Variants in GPC3 observed in about 807,000 individuals in gnomAD.
GPC3 encodes the protein glypican 3, also known as glypican-3.
Under a neutral mutation model 34.4 loss-of-function variants are expected in GPC3, and 3 were observed. The ratio of observed to expected loss-of-function variants is 0.09; its 90% confidence interval spans 0.04 to 0.23. The LOEUF (loss-of-function observed/expected upper bound fraction) is 0.23, where lower values mean the gene tolerates loss of function less well. Among genes scored for constraint, GPC3 ranks in the 10% least tolerant of loss-of-function variants. The pLI is 1.00. For synonymous variants in GPC3, 177 were observed against 174.0 expected (o/e 1.02, Z -0.13); for missense variants, 351 against 445.6 (o/e 0.79, Z 1.91).
chrX:133,843,659 C>A (rs965849938), intron 2 of GPC3, among the ~76,000 whole-genome samples: 2 of 111,229 alleles, frequency 1.8e-5, no homozygotes, highest in African/African-American at 6.5e-5. Flanking sequence ...AATTCATAAC[C>A]CACAGAGACC....
intron 5 of GPC3, among the ~76,000 whole-genome samples, chrX:133,679,320 C>T (rs1343397763): frequency 9.0e-6 from 1 of 111,653 alleles, no homozygotes; most frequent in Admixed American, 9.6e-5. Context: ...CTCTTCTACA[C>T]TAACATCTAG....
At chrX:133,928,659 C>T (rs959934070) in intron 2 of GPC3, among the ~76,000 whole-genome samples, 1 of 111,697 alleles carries the variant, frequency 9.0e-6, no homozygotes, top group Non-Finnish European at 1.9e-5. Flanking sequence ...CTCATGGTGG[C>T]TTTCATTTGC....
intron 4 of GPC3, among the ~76,000 whole-genome samples, chrX:133,697,770 T>C (rs1053205774): frequency 1.8e-5 from 2 of 112,189 alleles, no homozygotes; most frequent in Admixed American, 9.5e-5. Context: ...CAGAACTCGT[T>C]GATTCACTCA....
chrX:133,859,684 G>C (rs2075926253), intron 2 of GPC3, among the ~76,000 whole-genome samples: 1 of 112,437 alleles, frequency 8.9e-6, no homozygotes, highest in East Asian at 2.8e-4. Flanking sequence ...TCTATGTCAG[G>C]ATTTTGAGTT....
intron 2 of GPC3, among the ~76,000 whole-genome samples, chrX:133,768,518 T>C (rs1226536875): frequency 3.6e-5 from 4 of 111,393 alleles, no homozygotes; most frequent in African/African-American, 1.3e-4. Flanking sequence ...CCAGTACTAC[T>C]GACATCTAAA....
chrX:133,920,023 G>C (rs2076241285), intron 2 of GPC3, among the ~76,000 whole-genome samples: 1 of 108,350 alleles, frequency 9.2e-6, no homozygotes, highest in African/African-American at 3.4e-5. Context: ...AAATTAGCCA[G>C]GCATGGTGGC....
chrX:133,655,289 G>C (rs752987381), intron 6 of GPC3, among the ~76,000 whole-genome samples: 41 of 111,365 alleles, frequency 3.7e-4, no homozygotes, highest in Non-Finnish European at 5.8e-4. Flanking sequence ...AGTGACAGAA[G>C]ATTTTTTAAT....
chrX:133,666,099 T>A (rs1255624233), intron 5 of GPC3, among the ~76,000 whole-genome samples: 1 of 112,040 alleles, frequency 8.9e-6, no homozygotes, highest in African/African-American at 3.2e-5. Flanking sequence ...AAAACCATTA[T>A]AAATATTAAA....
chrX:133,775,410 G>A (rs2124497518), intron 2 of GPC3, among the ~76,000 whole-genome samples: 1 of 111,264 alleles, frequency 9.0e-6, no homozygotes, highest in African/African-American at 3.3e-5. Flanking sequence ...CAGGGTCTTG[G>A]GGAGGCCCCT....
chrX:133,895,408 G>A (rs992844936), intron 2 of GPC3, among the ~76,000 whole-genome samples: 8 of 111,163 alleles, frequency 7.2e-5, no homozygotes, highest in Non-Finnish European at 1.3e-4. Context: ...AAGGTACCCT[G>A]AATCTCCACC....
intron 2 of GPC3, among the ~76,000 whole-genome samples, chrX:133,817,218 T>A (rs1373171782): frequency 9.0e-6 from 1 of 111,416 alleles, no homozygotes; most frequent in Non-Finnish European, 1.9e-5. Context: ...TCTTCTTCCC[T>A]TCTTACTTTT....
At chrX:133,860,684 C>T (rs192732421) in intron 2 of GPC3, among the ~76,000 whole-genome samples, 122 of 111,942 alleles carry the variant, frequency 1.1e-3, no homozygotes, top group Non-Finnish European at 2.0e-3. Flanking sequence ...GATTCTAACT[C>T]AAATCTCTTT....
At chrX:133,789,900 A>G (rs2124509731) in intron 2 of GPC3, among the ~76,000 whole-genome samples, 1 of 112,161 alleles carries the variant, frequency 8.9e-6, no homozygotes, top group African/African-American at 3.2e-5. Context: ...AAACTTGGGG[A>G]ACTCCTACTT....
In GPC3 at chrX:133,769,014, C is replaced by A. The variant is rs752656079; in HGVS notation, c.338-14838G>T. 4.5e-5 allele frequency among the ~76,000 whole-genome samples: 5 copies of A among 111,795 alleles called. No individual in the cohort carries two copies. The South Asian group carries it at 1.5e-3, about 34-fold the overall frequency. ...ACATATGCACACACACATGCACATG[C>A]ACACTCACATGTACACACAATGGAA... is the stretch of plus-strand genomic sequence containing the variant. On this transcript the variant is annotated intron_variant, in intron 2 of 7. Coordinates refer to ENST00000370818, the MANE Select transcript of GPC3 (RefSeq NM_004484.4).
chrX:133,964,007 C>T (rs969127625), intron 1 of GPC3, among the ~76,000 whole-genome samples: 2 of 110,883 alleles, frequency 1.8e-5, no homozygotes, highest in South Asian at 7.9e-4. Context: ...CCCCAGGGTT[C>T]CTTTCTCTCT....
chrX:133,547,019 A>G (rs1400829521), intron 7 of GPC3, among the ~76,000 whole-genome samples: 3 of 111,620 alleles, frequency 2.7e-5, no homozygotes, highest in African/African-American at 9.8e-5. Context: ...TATCATTTGC[A>G]ACAACGTGGA....
chrX:133,913,274 G>A, intron 2 of GPC3, among the ~76,000 whole-genome samples: 1 of 111,831 alleles, frequency 8.9e-6, no homozygotes, highest in Non-Finnish European at 1.9e-5. Context: ...AAAGGTAGGA[G>A]GAGAGTTAAA....
intron 5 of GPC3, among the ~76,000 whole-genome samples, chrX:133,691,953 T>G (rs185699537): frequency 5.3e-5 from 6 of 112,516 alleles, no homozygotes; most frequent in African/African-American, 1.9e-4. Flanking sequence ...ATGTCATAGA[T>G]GTTTTCTCTT....
At chrX:133,662,825 A>C (rs2070738277) in intron 5 of GPC3, among the ~76,000 whole-genome samples, 2 of 111,732 alleles carry the variant, frequency 1.8e-5, no homozygotes, top group South Asian at 7.6e-4. Flanking sequence ...TTCTTAAAGA[A>C]ATGAAAAGAT....
Sources: allele counts gnomAD v4.1 joint callset (sites outside exome capture counted in the v4.1 genomes callset), GRCh38; gene constraint gnomAD v4.1.1; transcripts MANE v1.5; gene names NCBI Gene and HGNC (gene_info 2026-07-23, HGNC 2026-07-21).